The following GRIP2 variants were observed in gnomAD, a reference collection of about 807,000 sequenced individuals.
The protein encoded by GRIP2 is glutamate receptor-interacting protein 2.
GRIP2 carries 58 observed loss-of-function variants against 108.3 expected under a neutral mutation model. That is an observed-to-expected ratio of 0.54 (90% CI 0.43 to 0.67). The LOEUF (loss-of-function observed/expected upper bound fraction) is 0.67, where lower values mean the gene tolerates loss of function less well. Among genes scored for constraint, GRIP2 ranks in the 30% least tolerant of loss-of-function variants. GRIP2 has a pLI of 0.00. For synonymous variants in GRIP2, 586 were observed against 598.2 expected (o/e 0.98, Z 0.30); for missense variants, 1,278 against 1,430.6 (o/e 0.89, Z 1.72).
At chr3:14,524,581 C>T (rs1213185193) in intron 3 of GRIP2, 43 bp from the exon 4 acceptor site, 1 of 1,537,408 alleles carries the variant, frequency 6.5e-7, no homozygotes. Context: ...CAGGTGCTGG[C>T]CCATGCAGTC....
intron 4 of GRIP2, 188 bp downstream of exon 4, chr3:14,524,205 C>A: frequency 1.6e-6 from 1 of 625,036 alleles, no homozygotes; most frequent in Non-Finnish European, 2.8e-6. Context: ...AGTCCCACCA[C>A]CTCCTGGTGA....
At position 14,514,345 on chromosome 3, in the gene GRIP2, G is replaced by A. The variant is rs1453733532; in HGVS notation, c.1440C>T (p.Thr480=). Reference sequence around the variant, plus strand: ...AGCACACGAGGGGTGGGGAGGACAGGGTCTCGGTGGCGAAGATGCCGCCCT... The same window carrying A: ...AGCACACGAGGGGTGGGGAGGACAGAGTCTCGGTGGCGAAGATGCCGCCCT... The part of the protein sequence containing the change: ...QLQGGIFATE[T]LSSPPLVCFI... Residue 480 remains threonine, a synonymous_variant, in exon 12 of 24, where the codon ACC becomes ACT. Coordinates refer to ENST00000621039, the MANE Select transcript of GRIP2 (RefSeq NM_001080423.4). 6.3e-7 allele frequency: 1 copy of A among 1,577,988 alleles called. No individual in the cohort carries two copies. Among genetic ancestry groups the A allele is most frequent in the East Asian group, 2.3e-5 (1 of 42,940 alleles).
intron 5 of GRIP2, 68 bp from the exon 6 acceptor site, chr3:14,523,143 G>T: frequency 8.3e-7 from 1 of 1,200,128 alleles, no homozygotes; most frequent in African/African-American, 1.5e-5. Flanking sequence ...CTCCCACACA[G>T]CCCCTGAGCA....
chr3:14,578,483 G>A, the GRIP2 span, among the ~76,000 whole-genome samples: 7 of 152,162 alleles, frequency 4.6e-5, no homozygotes, highest in Non-Finnish European at 1.0e-4. Context: ...TTGGGAGGCC[G>A]AGGCAGAAGG....
upstream of GRIP2, among the ~76,000 whole-genome samples, chr3:14,541,468 G>C (rs983532654): frequency 6.6e-6 from 1 of 152,206 alleles, no homozygotes; most frequent in African/African-American, 2.4e-5. Context: ...CCGGTAGTTA[G>C]GGACCCGAGG....
At chr3:14,506,385 C>T (rs1296124013) in intron 19 of GRIP2, among the ~76,000 whole-genome samples, 1 of 152,208 alleles carries the variant, frequency 6.6e-6, no homozygotes, top group African/African-American at 2.4e-5. Context: ...GTCTGCCCCA[C>T]ATCCGGTCTT....
chr3:14,584,856 G>C, the GRIP2 span, among the ~76,000 whole-genome samples: 1 of 152,148 alleles, frequency 6.6e-6, no homozygotes, highest in Non-Finnish European at 1.5e-5. Flanking sequence ...TCACTGCCTC[G>C]CTGCCTCTGC....
the GRIP2 span, chr3:14,572,873 G>A: frequency 4.6e-3 from 5,660 of 1,217,480 alleles, 203 homozygotes; most frequent in African/African-American, 0.072. Flanking sequence ...CATCCAGTTC[G>A]TACTTCTCGC....
At chr3:14,525,988 C>T in intron 1 of GRIP2, 57 bp from the exon 2 acceptor site, 1 of 1,451,990 alleles carries the variant, frequency 6.9e-7, no homozygotes, top group Non-Finnish European at 9.5e-7. Context: ...TTCCTGCAGA[C>T]CTCTTCTGCT....
chr3:14,522,918 C>T lies in GRIP2; in HGVS notation c.566+82G>A. 4 of 1,125,272 alleles carry T rather than the reference C, an allele frequency of 3.6e-6. No homozygotes were observed. The highest frequency in any genetic ancestry group is 5.4e-6 in the Non-Finnish European group (4 of 735,712). 69.7% of individuals were successfully genotyped at this position (1,125,272 alleles called of 1,614,324 possible). ...TCGATCTCTTCATCTGGGGAAGGGG[C>T]ATGGTGACCCCACTCCACCTTCTTC... On this transcript the variant is annotated intron_variant, in intron 6 of 23. Coordinates refer to ENST00000621039, the MANE Select transcript of GRIP2 (RefSeq NM_001080423.4). This position sits in a 1 kb window ranked among gnomAD's most constrained non-coding sequence, Gnocchi z 4.3.
chr3:14,544,451 G>T (rs1695027436), upstream of GRIP2, among the ~76,000 whole-genome samples: 1 of 152,156 alleles, frequency 6.6e-6, no homozygotes, highest in Non-Finnish European at 1.5e-5. Flanking sequence ...GCCTTGTCGG[G>T]GGTGCCCCAC....
upstream of GRIP2, among the ~76,000 whole-genome samples, chr3:14,542,516 T>A (rs1246808115): frequency 1.3e-5 from 2 of 150,286 alleles, no homozygotes; most frequent in African/African-American, 2.4e-5. Flanking sequence ...TCCATACAGA[T>A]GCATTTAAAT....
the GRIP2 span, chr3:14,572,903 G>A: frequency 7.8e-7 from 1 of 1,278,812 alleles, no homozygotes; most frequent in Non-Finnish European, 1.1e-6. Flanking sequence ...CAGTGAAGGG[G>A]ATGCAGGTGA....
chr3:14,499,502 G>C (rs1344445588), intron 21 of GRIP2, among the ~76,000 whole-genome samples: 1 of 152,022 alleles, frequency 6.6e-6, no homozygotes, highest in Non-Finnish European at 1.5e-5. Context: ...GATCGCCAGA[G>C]ATCAGGAGTT....
chr3:14,505,781 T>G lies in GRIP2; in HGVS notation c.2407A>C (p.Thr803Pro), dbSNP rs536443338. Residue 803 changes from threonine to proline, a missense_variant, in exon 20 of 24, where the codon ACA becomes CCA. Thr to Pro is a conservative substitution (Grantham distance 38, BLOSUM62 -1). Coordinates refer to ENST00000621039, the MANE Select transcript of GRIP2 (RefSeq NM_001080423.4). The surrounding 1 kb of genome is among the most constrained non-coding windows in gnomAD (Gnocchi z 4.2). Reference protein sequence around the residue: ...EGGFGGPGSYTPQAAARGTTP... With the variant: ...EGGFGGPGSYPPQAAARGTTP... ...GTGCCCCGGGCTGCTGCCTGTGGTG[T>G]ATAGGACCCTGGTGGTGGAGAGAGG... The G allele has an allele frequency of 6.5e-7, 1 of 1,537,730 alleles. No homozygotes were observed. Among genetic ancestry groups the G allele is most frequent in the Non-Finnish European group, 8.7e-7 (1 of 1,143,444 alleles).
the GRIP2 span, chr3:14,573,196 G>A: frequency 7.1e-7 from 1 of 1,416,100 alleles, no homozygotes; most frequent in African/African-American, 1.4e-5. Flanking sequence ...GGCCGCTCCA[G>A]GATCTGCCAG....
rs1694116469 is a variant in GRIP2, at chr3:14,512,195, C to T, written c.1720+582G>A. Among the ~76,000 whole-genome samples, 1 of 152,052 alleles carries T rather than the reference C, an allele frequency of 6.6e-6. No homozygotes were observed. The highest frequency in any genetic ancestry group is 2.4e-5 in the African/African-American group (1 of 41,396). On this transcript the variant is annotated intron_variant, in intron 14 of 23. Coordinates refer to ENST00000621039, the MANE Select transcript of GRIP2 (RefSeq NM_001080423.4). The surrounding 1 kb of genome is among the most constrained non-coding windows in gnomAD (Gnocchi z 5.1). ...TGGCAGGGAGCAGCCAGGCTGACTG[C>T]GGCTGGAGGGCTTGAGTTGGGGAGA...
At chr3:14,589,725 T>A in the GRIP2 span, among the ~76,000 whole-genome samples, 15 of 152,026 alleles carry the variant, frequency 9.9e-5, no homozygotes, top group East Asian at 1.5e-3. Context: ...TACCCACTTA[T>A]TGTAGATGTC....
chr3:14,501,698 T>A (rs930348985), intron 21 of GRIP2, among the ~76,000 whole-genome samples: 1 of 152,224 alleles, frequency 6.6e-6, no homozygotes, highest in Non-Finnish European at 1.5e-5. Flanking sequence ...GAATGTTGTG[T>A]CCTTAAGTTT....
Sources: allele counts gnomAD v4.1 joint callset (sites outside exome capture counted in the v4.1 genomes callset), GRCh38; gene constraint gnomAD v4.1.1; non-coding constraint Gnocchi (gnomAD v3.1); transcripts MANE v1.5; gene names NCBI Gene and HGNC (gene_info 2026-07-23, HGNC 2026-07-21).